Variants in VWA8 observed in about 807,000 individuals in gnomAD.
VWA8 encodes von Willebrand factor A domain-containing protein 8.
A neutral mutation model predicts 241.5 loss-of-function variants in VWA8; 221 were observed. That is an observed-to-expected ratio of 0.91 (90% confidence interval 0.82 to 1.02). The LOEUF (loss-of-function observed/expected upper bound fraction) is 1.02. VWA8 is among the 50% of genes least tolerant of loss of function. VWA8 has a pLI of 0.00. For synonymous variants in VWA8, 852 were observed against 827.1 expected (o/e 1.03, Z -0.52); for missense variants, 2,322 against 2,328.7 (o/e 1.00, Z 0.06).
At chr13:41,959,443 T>TA (rs1430985914) in intron 1 of VWA8, among the ~76,000 whole-genome samples, 6 of 31,754 alleles carry the variant, frequency 1.9e-4, no homozygotes, top group African/African-American at 6.6e-4. Context: ...ACAAAAAATG[T>TA]AAAAAACAAA....
chr13:41,945,882 G>T (rs769176017), intron 2 of VWA8, among the ~76,000 whole-genome samples: 2 of 151,898 alleles, frequency 1.3e-5, no homozygotes, highest in Non-Finnish European at 2.9e-5. Flanking sequence ...TGCCAACTTC[G>T]ATGAAAAACA....
intron 2 of VWA8, among the ~76,000 whole-genome samples, chr13:41,944,808 C>T (rs942160359): frequency 6.6e-6 from 1 of 150,906 alleles, no homozygotes; most frequent in African/African-American, 2.5e-5. Context: ...GCAAACAGCA[C>T]TAACTCGGGG....
chr13:41,638,310 C>T (rs912641066), intron 37 of VWA8, among the ~76,000 whole-genome samples: 1 of 152,142 alleles, frequency 6.6e-6, no homozygotes, highest in African/African-American at 2.4e-5. Context: ...TATTTTTCTA[C>T]TATAAATTTT....
intron 20 of VWA8, among the ~76,000 whole-genome samples, chr13:41,761,442 T>C (rs1036031971): frequency 6.6e-6 from 1 of 152,080 alleles, no homozygotes; most frequent in Non-Finnish European, 1.5e-5. Flanking sequence ...AGGAAATCCA[T>C]AAATTAGCCT....
chr13:41,663,225 A>C (rs1219729430), intron 37 of VWA8, among the ~76,000 whole-genome samples: 1 of 145,178 alleles, frequency 6.9e-6, no homozygotes, highest in Non-Finnish European at 1.5e-5. Context: ...TCAGTTACAT[A>C]AAAAAAAAGT....
rs199974424 is a variant in VWA8, at chr13:41,933,051, T to G, written c.241+16885A>C. On this transcript the variant is annotated intron_variant, in intron 2 of 44. Transcript: ENST00000379310. Reference sequence around the variant, plus strand: ...GATTGGAAAGGAAAAAGTAGAGCTGTCTTTATTTATGGACATGATTGTTTA... The same window carrying G: ...GATTGGAAAGGAAAAAGTAGAGCTGGCTTTATTTATGGACATGATTGTTTA... 2.4e-4 allele frequency among the ~76,000 whole-genome samples: 37 copies of G among 152,050 alleles called. No homozygotes were observed. In the East Asian group the frequency reaches 6.8e-3, roughly 28 times the overall value.
intron 2 of VWA8, chr13:41,926,384 A>C: frequency 1.8e-6 from 1 of 550,810 alleles, no homozygotes; most frequent in Middle Eastern, 3.4e-4. Context: ...TGGGATTCCT[A>C]AAGATTGAAA....
At chr13:41,570,811 T>G in intron 43 of VWA8, 105 bp from the exon 44 acceptor site, 1 of 873,934 alleles carries the variant, frequency 1.1e-6, no homozygotes, top group Non-Finnish European at 1.8e-6. Flanking sequence ...TACCAATTAT[T>G]ACCCATGAGT....
chr13:41,694,594 G>C (rs1006424673), intron 29 of VWA8, among the ~76,000 whole-genome samples: 4 of 151,850 alleles, frequency 2.6e-5, no homozygotes, highest in Non-Finnish European at 5.9e-5. Context: ...CTCTATTCTA[G>C]ATTAAATATT....
intron 37 of VWA8, among the ~76,000 whole-genome samples, chr13:41,649,621 T>A (rs1351709221): frequency 1.4e-5 from 2 of 147,530 alleles, no homozygotes; most frequent in Middle Eastern, 3.5e-3. Flanking sequence ...TTAGTATTCA[T>A]CACAAGTTGA....
chr13:41,568,958 A>C (rs1052374185), intron 44 of VWA8, among the ~76,000 whole-genome samples: 1 of 152,264 alleles, frequency 6.6e-6, no homozygotes, highest in African/African-American at 2.4e-5. Context: ...TAAAAATAAC[A>C]TGTCATTGAA....
intron 15 of VWA8, among the ~76,000 whole-genome samples, chr13:41,818,811 C>A (rs1593792852): frequency 6.6e-6 from 1 of 152,124 alleles, no homozygotes; most frequent in East Asian, 1.9e-4. Flanking sequence ...TTAAAATAGT[C>A]ACTTTTCACT....
At chr13:41,774,279 G>A (rs1314387184) in intron 20 of VWA8, among the ~76,000 whole-genome samples, 1 of 152,150 alleles carries the variant, frequency 6.6e-6, no homozygotes, top group African/African-American at 2.4e-5. Flanking sequence ...AGATGGGACT[G>A]CAAGCGCATG....
chr13:41,700,441 CAGAT>C, intron 28 of VWA8, among the ~76,000 whole-genome samples: 2 of 152,168 alleles, frequency 1.3e-5, no homozygotes, highest in African/African-American at 4.8e-5. Context: ...TTTCAATTAT[CAGAT>C]AGAACCACAG....
Position 41,568,150 on chromosome 13 carries a change from T to C in VWA8, c.*47A>G. 1.4e-6 allele frequency: 2 copies of C among 1,480,688 alleles called. No individual in the cohort carries two copies. Among genetic ancestry groups the C allele is most frequent in the African/African-American group, 1.4e-5 (1 of 72,096 alleles). The allele number at this position is 1,480,688 out of a possible 1,614,324, so 91.7% of individuals were successfully genotyped here. Reference sequence around the variant, plus strand: ...TTTTTTTCAGAATACTCTTTATTCCTGTCTTATTTCAAATCCTGGTGTCAT... The same window carrying C: ...TTTTTTTCAGAATACTCTTTATTCCCGTCTTATTTCAAATCCTGGTGTCAT... On this transcript the variant is annotated 3_prime_UTR_variant, in exon 45 of 45. Coordinates refer to ENST00000379310, the MANE Select transcript of VWA8 (RefSeq NM_015058.2).
chr13:41,917,261 T>C (rs1876303858), intron 2 of VWA8, among the ~76,000 whole-genome samples: 1 of 152,122 alleles, frequency 6.6e-6, no homozygotes, highest in Admixed American at 6.5e-5. Context: ...TTCAAAACTG[T>C]TGATGTTTTC....
At chr13:41,746,375 G>A (rs1209644514) in intron 21 of VWA8, among the ~76,000 whole-genome samples, 1 of 152,104 alleles carries the variant, frequency 6.6e-6, no homozygotes, top group Non-Finnish European at 1.5e-5. Flanking sequence ...CTTGTCTCCA[G>A]TATTCTTTTC....
At chr13:41,701,636 T>C (rs2045250749) in intron 27 of VWA8, 106 bp from the exon 28 acceptor site, 1 of 1,084,190 alleles carries the variant, frequency 9.2e-7, no homozygotes, top group African/African-American at 1.6e-5. Context: ...GTATTTAATA[T>C]CCTGCTATAC....
chr13:41,655,090 A>ATTT (rs35973790), intron 37 of VWA8, among the ~76,000 whole-genome samples: 3 of 138,230 alleles, frequency 2.2e-5, no homozygotes, highest in Admixed American at 7.3e-5. Flanking sequence ...AAAAACTGAA[A>ATTT]TTTTTTTTTT....
Sources: allele counts gnomAD v4.1 joint callset (sites outside exome capture counted in the v4.1 genomes callset), GRCh38; gene constraint gnomAD v4.1.1; transcripts MANE v1.5; gene names NCBI Gene and HGNC (gene_info 2026-07-23, HGNC 2026-07-21).